MARCO: variants seen among roughly 807,000 people sequenced by gnomAD.
MARCO encodes the protein macrophage receptor with collagenous structure.
A neutral mutation model predicts 70.0 loss-of-function variants in MARCO; 72 were observed. The observed-to-expected ratio is 1.03, with a 90% confidence interval of 0.85 to 1.25. MARCO has a LOEUF of 1.25. Among genes scored for constraint, MARCO ranks in the 50% most tolerant of loss-of-function variants. The pLI, the probability that MARCO is intolerant of heterozygous loss-of-function variation, is 0.00. For missense variants in MARCO, 696 were observed against 659.3 expected, an observed-to-expected ratio of 1.06 and a Z score of -0.61; for synonymous variants, 273 against 243.1, an observed-to-expected ratio of 1.12 and a Z score of -1.14.
chr2:118,955,282 G>A (rs746706820), intron 1 of MARCO, among the ~76,000 whole-genome samples: 1 of 152,082 alleles, frequency 6.6e-6, no homozygotes, highest in Non-Finnish European at 1.5e-5. Context: ...GGAAACTTTG[G>A]ACACACTTTT....
chr2:118,965,664 C>T lies in MARCO; in HGVS notation c.98-3496C>T, dbSNP rs528536438. 3.9e-5 allele frequency among the ~76,000 whole-genome samples: 6 copies of T among 152,178 alleles called. No individual in the cohort carries two copies. In the South Asian group the frequency reaches 1.2e-3, roughly 32 times the overall value. On this transcript the variant is annotated intron_variant, in intron 1 of 16. Coordinates refer to ENST00000327097, the MANE Select transcript of MARCO (RefSeq NM_006770.4). ...ATAGTATGTTAGGAGATTCTGAGTCCTATTTAAAACTTCTATTTTAGTAGA... is the reference window on the plus strand; with the variant it reads ...ATAGTATGTTAGGAGATTCTGAGTCTTATTTAAAACTTCTATTTTAGTAGA...
chr2:118,969,964 G>A, intron 2 of MARCO, 150 bp from the exon 3 acceptor site: 1 of 655,974 alleles, frequency 1.5e-6, no homozygotes, highest in Non-Finnish European at 2.7e-6. Flanking sequence ...ATGTAGAAAA[G>A]GCCGTGTGCT....
chr2:118,943,812 G>T (rs956114751), intron 1 of MARCO, among the ~76,000 whole-genome samples: 1 of 152,180 alleles, frequency 6.6e-6, no homozygotes, highest in Non-Finnish European at 1.5e-5. Flanking sequence ...ACTGAGGCTG[G>T]AACCAAAAAA....
chr2:118,973,646 T>C (rs1263148316), intron 4 of MARCO, among the ~76,000 whole-genome samples: 2 of 151,682 alleles, frequency 1.3e-5, no homozygotes, highest in African/African-American at 2.4e-5. Context: ...AATAGGTGGG[T>C]GGGGGAGGAG....
At chr2:118,952,763 G>A (rs1023689208) in intron 1 of MARCO, 1 of 152,174 alleles carries the variant, frequency 6.6e-6, no homozygotes, top group African/African-American at 2.4e-5. Context: ...GCAAGAGGTG[G>A]TGTGGTGCCT....
intron 1 of MARCO, among the ~76,000 whole-genome samples, chr2:118,953,416 G>T (rs1193055641): frequency 6.6e-6 from 1 of 152,228 alleles, no homozygotes; most frequent in Non-Finnish European, 1.5e-5. Flanking sequence ...GTGATTGTCA[G>T]TTCTATTATG....
intron 1 of MARCO, among the ~76,000 whole-genome samples, chr2:118,965,897 G>T (rs967893429): frequency 6.6e-6 from 1 of 152,210 alleles, no homozygotes; most frequent in Non-Finnish European, 1.5e-5. Context: ...GTGCTATCAG[G>T]TAGGAAGTGA....
intron 1 of MARCO, among the ~76,000 whole-genome samples, chr2:118,955,696 T>G (rs1679821868): frequency 6.6e-6 from 1 of 152,204 alleles, no homozygotes. Context: ...TTAAGAGCTG[T>G]GAGACAGAAG....
chr2:118,987,695 T>A (rs1305544976), intron 12 of MARCO, among the ~76,000 whole-genome samples: 1 of 152,232 alleles, frequency 6.6e-6, no homozygotes, highest in African/African-American at 2.4e-5. Context: ...CTTGCAGCAT[T>A]AGCATCACCT....
In MARCO at chr2:118,994,377, C is replaced by G; in HGVS notation, c.1430-10C>G. ...CTTCTTCCTCTGTCTCTTGCTTTCT[C>G]TCTATCAAGGCACTGGGCAGATCTG... On this transcript the variant is annotated splice_polypyrimidine_tract_variant and intron_variant, in intron 16 of 16. Transcript: ENST00000327097. 1.9e-6 allele frequency: 3 copies of G among 1,614,056 alleles called. No individual in the cohort carries two copies. The highest frequency in any genetic ancestry group is 1.1e-5 in the South Asian group (1 of 91,064).
chr2:118,983,894 A>G (rs922706595), intron 12 of MARCO, among the ~76,000 whole-genome samples: 1 of 151,726 alleles, frequency 6.6e-6, no homozygotes, highest in East Asian at 1.9e-4. Flanking sequence ...CATTGTGCTT[A>G]CTCCCCAAGC....
chr2:118,948,559 C>T (rs1558828228), intron 1 of MARCO, among the ~76,000 whole-genome samples: 1 of 152,210 alleles, frequency 6.6e-6, no homozygotes, highest in Non-Finnish European at 1.5e-5. Context: ...AAAGTTATTC[C>T]TCAAAAGAAA....
At chr2:118,965,508 C>G (rs1680027661) in intron 1 of MARCO, among the ~76,000 whole-genome samples, 1 of 152,112 alleles carries the variant, frequency 6.6e-6, no homozygotes, top group African/African-American at 2.4e-5. Flanking sequence ...CTTTAAAATT[C>G]TTGTGGAATA....
intron 13 of MARCO, among the ~76,000 whole-genome samples, chr2:118,991,167 C>T (rs754839893): frequency 6.6e-6 from 1 of 152,122 alleles, no homozygotes; most frequent in Non-Finnish European, 1.5e-5. Context: ...AGCCCTGCCC[C>T]TGTGAGTGCA....
At chr2:118,974,636 A>T in intron 6 of MARCO, 71 bp downstream of exon 6, 3 of 1,421,746 alleles carry the variant, frequency 2.1e-6, no homozygotes, top group Non-Finnish European at 2.9e-6. Context: ...TGGGCTGCAG[A>T]CGCAGCCTCC....
chr2:118,969,300 G>T (rs187099111), intron 2 of MARCO, 39 bp downstream of exon 2: 10 of 1,555,892 alleles, frequency 6.4e-6, no homozygotes, highest in Non-Finnish European at 8.9e-6. Flanking sequence ...CTCCTGGGGG[G>T]AGAGGGGTGA....
At chr2:118,943,812 G>A (rs956114751) in intron 1 of MARCO, among the ~76,000 whole-genome samples, 3 of 152,180 alleles carry the variant, frequency 2.0e-5, no homozygotes, top group Non-Finnish European at 4.4e-5. Context: ...ACTGAGGCTG[G>A]AACCAAAAAA....
At chr2:118,986,613 GA>G (rs1193335106) in intron 12 of MARCO, among the ~76,000 whole-genome samples, 4 of 20,390 alleles carry the variant, frequency 2.0e-4, no homozygotes, top group East Asian at 5.5e-3. Flanking sequence ...AAGAAAGAAA[GA>G]AAGAAAGAAA....
chr2:118,991,032 C>T (rs1339219629), intron 13 of MARCO, among the ~76,000 whole-genome samples: 1 of 152,138 alleles, frequency 6.6e-6, no homozygotes. Context: ...GGCCCCCAAG[C>T]TTCTCCTCTC....
Sources: allele counts gnomAD v4.1 joint callset (sites outside exome capture counted in the v4.1 genomes callset), GRCh38; gene constraint gnomAD v4.1.1; transcripts MANE v1.5; gene names NCBI Gene and HGNC (gene_info 2026-07-23, HGNC 2026-07-21).